CDH13: variants seen among roughly 807,000 people sequenced by gnomAD.
The protein encoded by CDH13 is cadherin-13.
Under a neutral mutation model 63.8 loss-of-function variants are expected in CDH13, and 24 were observed. That is an observed-to-expected ratio of 0.38 (90% CI 0.27 to 0.53). CDH13 has a LOEUF of 0.53. Ranked by LOEUF, CDH13 falls within the 20% of genes least tolerant of loss-of-function variation. The pLI is 0.85. For synonymous variants in CDH13, 503 were observed against 355.3 expected (o/e 1.42, Z -4.67); for missense variants, 1,049 against 903.1 (o/e 1.16, Z -2.07).
At chr16:83,726,419 G>A (rs1910394107) in intron 10 of CDH13, 1 of 152,110 alleles carries the variant, frequency 6.6e-6, no homozygotes, top group Non-Finnish European at 1.5e-5. Context: ...CAGACAAATC[G>A]TTATCTTGGC....
chr16:83,619,968 C>A (rs1282030383), intron 8 of CDH13, among the ~76,000 whole-genome samples: 2 of 152,040 alleles, frequency 1.3e-5, no homozygotes, highest in Non-Finnish European at 2.9e-5. Context: ...CCCAGGGTGA[C>A]CAGAGCAACA....
At chr16:83,764,556 G>A (rs912710818) in intron 11 of CDH13, among the ~76,000 whole-genome samples, 24 of 151,836 alleles carry the variant, frequency 1.6e-4, no homozygotes, top group Non-Finnish European at 2.6e-4. Context: ...GCTTTATATT[G>A]GCATTGCCAT....
intron 4 of CDH13, among the ~76,000 whole-genome samples, chr16:83,204,033 A>C (rs1475780903): frequency 6.6e-6 from 1 of 152,226 alleles, no homozygotes; most frequent in South Asian, 2.1e-4. Context: ...GGAAATCGAG[A>C]CTTTGAAGTC....
At chr16:83,523,837 C>T (rs951690326) in intron 7 of CDH13, among the ~76,000 whole-genome samples, 10 of 152,208 alleles carry the variant, frequency 6.6e-5, no homozygotes, top group Non-Finnish European at 1.3e-4. Context: ...TTCAGTCCCT[C>T]GTTATGCAGC....
intron 5 of CDH13, among the ~76,000 whole-genome samples, chr16:83,344,594 TTTTTG>T (rs2090797734): frequency 6.6e-6 from 1 of 152,312 alleles, no homozygotes; most frequent in African/African-American, 2.4e-5. Context: ...GTTTTGAGTT[TTTTTG>T]TTTTGTTTTA....
chr16:82,759,346 C>A (rs2034741382), intron 1 of CDH13, among the ~76,000 whole-genome samples: 1 of 152,096 alleles, frequency 6.6e-6, no homozygotes, highest in South Asian at 2.1e-4. Context: ...TGGGATTATT[C>A]AAACTGAGAC....
At chr16:83,525,212 G>T (rs912163623) in intron 7 of CDH13, among the ~76,000 whole-genome samples, 35 of 152,228 alleles carry the variant, frequency 2.3e-4, no homozygotes, top group African/African-American at 7.5e-4. Flanking sequence ...GTAGTACTCG[G>T]ATTGACCAGG....
intron 7 of CDH13, among the ~76,000 whole-genome samples, chr16:83,555,976 G>A (rs1197597216): frequency 2.0e-5 from 3 of 152,156 alleles, no homozygotes; most frequent in Non-Finnish European, 2.9e-5. Context: ...ATGGCCTGGG[G>A]GAAGTAACAC....
intron 11 of CDH13, among the ~76,000 whole-genome samples, chr16:83,756,255 C>T (rs425904): frequency 0.81 from 123,634 of 152,186 alleles, 50,333 homozygotes; most frequent in African/African-American, 0.87. Flanking sequence ...AATTATACCA[C>T]AGTAAAATGC....
chr16:83,478,092 G>A lies in CDH13; in HGVS notation c.782-8385G>A, dbSNP rs370265622. 7.3e-5 allele frequency among the ~76,000 whole-genome samples: 11 copies of A among 151,584 alleles called. No homozygotes were observed. The South Asian group carries it at 1.0e-3, about 14-fold the overall frequency. ...GAAGAATGGCATGAACCCAAGAGGC[G>A]GAGCTTGCAGTGAGCCGAGATCACG... On this transcript the variant is annotated intron_variant, in intron 6 of 13. Coordinates refer to ENST00000567109, the MANE Select transcript of CDH13 (RefSeq NM_001257.5).
intron 1 of CDH13, among the ~76,000 whole-genome samples, chr16:82,733,997 T>C (rs1319630072): frequency 1.3e-5 from 2 of 151,072 alleles, no homozygotes; most frequent in South Asian, 4.2e-4. Flanking sequence ...AAACAGAGTA[T>C]ACCAGATAGC....
At chr16:83,687,705 A>T (rs899531007) in intron 10 of CDH13, among the ~76,000 whole-genome samples, 1 of 152,228 alleles carries the variant, frequency 6.6e-6, no homozygotes, top group East Asian at 1.9e-4. Context: ...TTTTAAACCA[A>T]TCCCAGGAAG....
chr16:82,999,673 T>C (rs1912648907), intron 2 of CDH13, among the ~76,000 whole-genome samples: 1 of 152,178 alleles, frequency 6.6e-6, no homozygotes, highest in Non-Finnish European at 1.5e-5. Context: ...AAAAACTGTA[T>C]AAGTATTAAA....
intron 1 of CDH13, among the ~76,000 whole-genome samples, chr16:82,757,221 T>G (rs754392201): frequency 6.6e-6 from 1 of 152,298 alleles, no homozygotes; most frequent in South Asian, 2.1e-4. Flanking sequence ...TCACCACCTT[T>G]CCATGCCCCT....
At chr16:83,510,256 T>A (rs2074526200) in intron 7 of CDH13, among the ~76,000 whole-genome samples, 1 of 152,158 alleles carries the variant, frequency 6.6e-6, no homozygotes, top group Non-Finnish European at 1.5e-5. Context: ...ATGTGTGTAA[T>A]TTTTTTGCTC....
At chr16:83,329,485 C>T (rs75225088) in intron 5 of CDH13, among the ~76,000 whole-genome samples, 11,897 of 151,918 alleles carry the variant, frequency 0.078, 648 homozygotes, top group Non-Finnish European at 0.12. Context: ...GATGTGGCCA[C>T]CTCGATCTCC....
rs2036583908 is a variant in CDH13, at chr16:83,142,702, CT to C, written c.483+17203del. On this transcript the variant is annotated intron_variant, in intron 4 of 13. Transcript: ENST00000567109. ...CAGTTTTTCTTATTTACCCTTTTAT[CT>C]TCAGCATCTAGGATATGTCTGGTGG... is the stretch of plus-strand genomic sequence containing the variant. Among the ~76,000 whole-genome samples the C allele has an allele frequency of 2.0e-5, 3 of 152,190 alleles. No homozygotes were observed. In the South Asian group the frequency reaches 6.2e-4, roughly 32 times the overall value.
At chr16:82,876,501 A>G (rs1414448630) in intron 2 of CDH13, among the ~76,000 whole-genome samples, 2 of 152,234 alleles carry the variant, frequency 1.3e-5, no homozygotes, top group Non-Finnish European at 2.9e-5. Flanking sequence ...AAATAAATCC[A>G]AAGACATAAA....
At chr16:83,426,544 C>CACACAG (rs3050938) in intron 6 of CDH13, among the ~76,000 whole-genome samples, 4 of 149,468 alleles carry the variant, frequency 2.7e-5, no homozygotes, top group Non-Finnish European at 6.0e-5. Context: ...CACACACACA[C>CACACAG]TCATGTGGTT....
Sources: gnomAD v4.1 joint callset for allele counts (sites outside exome capture counted in the v4.1 genomes callset) on GRCh38, gnomAD v4.1.1 for gene constraint, MANE v1.5 for transcripts, NCBI Gene and HGNC (gene_info 2026-07-23, HGNC 2026-07-21) for gene names.